AGBL1: variants seen among roughly 807,000 people sequenced by gnomAD.
AGBL1 encodes AGBL carboxypeptidase 1, also known as cytosolic carboxypeptidase 4.
AGBL1 carries 130 observed loss-of-function variants against 118.9 expected under a neutral mutation model. That is an observed-to-expected ratio of 1.09 (90% confidence interval 0.95 to 1.26). The LOEUF (loss-of-function observed/expected upper bound fraction) is 1.26. AGBL1 is among the 50% of genes most tolerant of loss of function. The pLI is 0.00. For synonymous variants in AGBL1, 555 were observed against 478.9 expected, an observed-to-expected ratio of 1.16 and a Z score of -2.08; for missense variants, 1,584 against 1,298.1, an observed-to-expected ratio of 1.22 and a Z score of -3.38.
At chr15:86,407,291 C>T (rs969934123) in intron 18 of AGBL1, among the ~76,000 whole-genome samples, 10 of 152,150 alleles carry the variant, frequency 6.6e-5, no homozygotes, top group Non-Finnish European at 2.9e-5. Flanking sequence ...AGTCCCGTGT[C>T]TAATAAGTTT....
At chr15:86,118,432 C>T (rs542268788) in intron 1 of AGBL1, among the ~76,000 whole-genome samples, 20 of 152,012 alleles carry the variant, frequency 1.3e-4, no homozygotes, top group African/African-American at 4.8e-4. Flanking sequence ...ACTGTTGGCC[C>T]TCTGCGAATC....
chr15:86,892,620 T>C (rs1380415547), intron 22 of AGBL1, among the ~76,000 whole-genome samples: 3 of 152,180 alleles, frequency 2.0e-5, no homozygotes, highest in African/African-American at 7.2e-5. Flanking sequence ...TATTTGCTTA[T>C]ATTTTAAGAG....
chr15:86,471,025 T>A (rs952550578), intron 18 of AGBL1, among the ~76,000 whole-genome samples: 6 of 152,184 alleles, frequency 3.9e-5, no homozygotes, highest in African/African-American at 7.2e-5. Flanking sequence ...TTCCTTTTCT[T>A]GCCAAATTGC....
chr15:86,636,361 C>G lies in AGBL1; in HGVS notation c.2995-37912C>G, dbSNP rs556391164. On this transcript the variant is annotated intron_variant, in intron 21 of 22. Coordinates refer to ENST00000614907, the MANE Select transcript of AGBL1 (RefSeq NM_001386094.1). ...GTCTAGTCAAAGAAGTCCATTTTCACCGTTTCATCTGGACAATTTTACAGG... is the reference window on the plus strand; with the variant it reads ...GTCTAGTCAAAGAAGTCCATTTTCAGCGTTTCATCTGGACAATTTTACAGG... Among the ~76,000 whole-genome samples, 5 of 152,106 alleles carry G rather than the reference C, an allele frequency of 3.3e-5. No homozygotes were observed. In the East Asian group the frequency reaches 9.7e-4, roughly 30 times the overall value.
chr15:86,402,720 T>A (rs1442541363), intron 18 of AGBL1, among the ~76,000 whole-genome samples: 2 of 152,090 alleles, frequency 1.3e-5, no homozygotes, highest in Non-Finnish European at 2.9e-5. Context: ...GTGGTGATGG[T>A]GATGGAGCTT....
At chr15:86,743,649 C>T (rs554196549) in intron 22 of AGBL1, among the ~76,000 whole-genome samples, 44 of 152,200 alleles carry the variant, frequency 2.9e-4, no homozygotes, top group Admixed American at 7.9e-4. Flanking sequence ...ATGGCTGGTT[C>T]TGGAGGGCTA....
intron 18 of AGBL1, among the ~76,000 whole-genome samples, chr15:86,448,732 A>G (rs781744222): frequency 2.0e-5 from 3 of 152,164 alleles, no homozygotes; most frequent in Non-Finnish European, 2.9e-5. Flanking sequence ...AGACACAAGA[A>G]TATTTAGTAA....
intron 23 of AGBL1, among the ~76,000 whole-genome samples, chr15:86,923,436 AC>A (rs2080500688): frequency 6.6e-6 from 1 of 151,978 alleles, no homozygotes; most frequent in Admixed American, 6.6e-5. Context: ...TCACCTCCTC[AC>A]CTTTTCCTGC....
intron 21 of AGBL1, among the ~76,000 whole-genome samples, chr15:86,671,275 C>CA (rs2142541908): frequency 6.6e-6 from 1 of 152,222 alleles, no homozygotes; most frequent in African/African-American, 2.4e-5. Context: ...TTTAAACAAA[C>CA]AAACAAACAA....
At chr15:86,439,057 A>T (rs894650458) in intron 18 of AGBL1, among the ~76,000 whole-genome samples, 1 of 151,916 alleles carries the variant, frequency 6.6e-6, no homozygotes, top group Non-Finnish European at 1.5e-5. Flanking sequence ...CGGGTGGCAA[A>T]CTCAACCAGG....
chr15:86,662,163 A>G (rs28497964), intron 21 of AGBL1, among the ~76,000 whole-genome samples: 2,881 of 152,348 alleles, frequency 0.019, 88 homozygotes, highest in African/African-American at 0.065. Context: ...GATGAGTGGC[A>G]TTTATATATC....
intron 23 of AGBL1, among the ~76,000 whole-genome samples, chr15:86,923,078 A>G (rs1465614775): frequency 6.6e-6 from 1 of 152,208 alleles, no homozygotes; most frequent in Non-Finnish European, 1.5e-5. Context: ...TGGTGGTGGC[A>G]GGGATGCAAT....
chr15:86,318,391 T>C (rs1329925739), intron 17 of AGBL1, among the ~76,000 whole-genome samples: 3 of 152,060 alleles, frequency 2.0e-5, no homozygotes, highest in African/African-American at 4.8e-5. Context: ...GATTTAATCA[T>C]ATAAATATTT....
intron 22 of AGBL1, among the ~76,000 whole-genome samples, chr15:86,823,859 TA>T (rs2078973114): frequency 6.6e-6 from 1 of 152,090 alleles, no homozygotes; most frequent in African/African-American, 2.4e-5. Context: ...GTGGAAAAAT[TA>T]ACAAAATTCA....
At chr15:86,827,744 A>G (rs967374732) in intron 22 of AGBL1, among the ~76,000 whole-genome samples, 4 of 146,538 alleles carry the variant, frequency 2.7e-5, no homozygotes, top group African/African-American at 7.5e-5. Context: ...ACCACCAAAG[A>G]TGTGCAATTA....
At chr15:86,114,841 A>G (rs1172906145) in intron 1 of AGBL1, among the ~76,000 whole-genome samples, 1 of 152,204 alleles carries the variant, frequency 6.6e-6, no homozygotes, top group Non-Finnish European at 1.5e-5. Context: ...GTCCAACGCT[A>G]CAAGTCTGTT....
intron 5 of AGBL1, among the ~76,000 whole-genome samples, chr15:86,194,557 T>C (rs1302157211): frequency 6.6e-6 from 1 of 152,242 alleles, no homozygotes; most frequent in Non-Finnish European, 1.5e-5. Context: ...ATGCTCTCTG[T>C]GTTTGTGTGT....
At chr15:86,459,942 T>C (rs8033619) in intron 18 of AGBL1, among the ~76,000 whole-genome samples, 1 of 152,076 alleles carries the variant, frequency 6.6e-6, no homozygotes, top group South Asian at 2.1e-4. Flanking sequence ...CCAGAGAATT[T>C]AAAAGTGAGG....
At chr15:86,705,307 C>CAA (rs1322372658) in intron 22 of AGBL1, among the ~76,000 whole-genome samples, 2 of 152,022 alleles carry the variant, frequency 1.3e-5, no homozygotes, top group African/African-American at 4.8e-5. Flanking sequence ...CAAAACAAAA[C>CAA]AAAACAAAAA....
Sources: gnomAD v4.1 joint callset for allele counts (sites outside exome capture counted in the v4.1 genomes callset) on GRCh38, gnomAD v4.1.1 for gene constraint, MANE v1.5 for transcripts, NCBI Gene and HGNC (gene_info 2026-07-23, HGNC 2026-07-21) for gene names.